Variants in NT5DC1 observed in about 807,000 individuals in gnomAD.
The protein encoded by NT5DC1 is 5'-nucleotidase domain-containing protein 1.
A neutral mutation model predicts 59.4 loss-of-function variants in NT5DC1; 42 were observed. The observed-to-expected ratio is 0.71, with a 90% CI of 0.55 to 0.92. NT5DC1 has a LOEUF of 0.92. Among genes scored for constraint, NT5DC1 ranks in the 40% least tolerant of loss-of-function variants. The pLI is 0.00. For missense variants in NT5DC1, 501 were observed against 537.1 expected, an observed-to-expected ratio of 0.93 and a Z score of 0.66; for synonymous variants, 172 against 188.1, an observed-to-expected ratio of 0.91 and a Z score of 0.70.
chr6:116,213,974 G>A (rs1781638349), intron 6 of NT5DC1, among the ~76,000 whole-genome samples: 1 of 151,980 alleles, frequency 6.6e-6, no homozygotes, highest in Non-Finnish European at 1.5e-5. Context: ...TGATCCTCCC[G>A]CCTCACCTTC....
chr6:116,167,743 A>G (rs7739896), intron 6 of NT5DC1, among the ~76,000 whole-genome samples: 92,597 of 152,008 alleles, frequency 0.61, 30,262 homozygotes, highest in African/African-American at 0.86. Context: ...AATGCCCATG[A>G]CCGTTGTTGG....
chr6:116,138,234 T>G (rs942462973), intron 6 of NT5DC1, among the ~76,000 whole-genome samples: 90 of 152,302 alleles, frequency 5.9e-4, no homozygotes, highest in African/African-American at 2.1e-3. Context: ...TCTTTAGAGA[T>G]AAAGAATTTG....
At chr6:116,191,112 T>C (rs1284675534) in intron 6 of NT5DC1, among the ~76,000 whole-genome samples, 1 of 151,968 alleles carries the variant, frequency 6.6e-6, no homozygotes, top group African/African-American at 2.4e-5. Flanking sequence ...CAAATATCTG[T>C]GGAAACCAAT....
chr6:116,209,777 G>C (rs1225553557), intron 6 of NT5DC1, among the ~76,000 whole-genome samples: 1 of 151,912 alleles, frequency 6.6e-6, no homozygotes, highest in Non-Finnish European at 1.5e-5. Flanking sequence ...AACTTCTGCA[G>C]AAATCCTGAG....
chr6:116,163,141 A>AAAATATATATATATATATATATAT (rs761718922), intron 6 of NT5DC1, among the ~76,000 whole-genome samples: 1 of 88,396 alleles, frequency 1.1e-5, no homozygotes, highest in African/African-American at 5.8e-5. Context: ...AAAAAAAAAA[A>AAAATATATATATATATATATATAT]ATATATATAT....
chr6:116,237,693 G>A, intron 9 of NT5DC1: 1 of 323,178 alleles, frequency 3.1e-6, no homozygotes, highest in South Asian at 2.6e-5. Context: ...ACTACCTAGG[G>A]AACTTTCCAG....
intron 9 of NT5DC1, 150 bp downstream of exon 9, chr6:116,237,234 A>C: frequency 3.1e-6 from 2 of 647,874 alleles, no homozygotes; most frequent in South Asian, 3.6e-5. Flanking sequence ...GAGAGGAGCA[A>C]GGATTCCAAG....
At chr6:116,164,946 A>G (rs955015837) in intron 6 of NT5DC1, among the ~76,000 whole-genome samples, 10 of 151,918 alleles carry the variant, frequency 6.6e-5, no homozygotes, top group African/African-American at 2.4e-4. Flanking sequence ...AAAATACAAA[A>G]AATTAGCGGA....
intron 6 of NT5DC1, among the ~76,000 whole-genome samples, chr6:116,162,678 G>GT (rs1780362944): frequency 6.6e-6 from 1 of 152,132 alleles, no homozygotes; most frequent in African/African-American, 2.4e-5. Flanking sequence ...CAGTTTGCTA[G>GT]TATTTTGTTG....
At chr6:116,111,410 T>C (rs1778872789) in intron 4 of NT5DC1, among the ~76,000 whole-genome samples, 1 of 152,262 alleles carries the variant, frequency 6.6e-6, no homozygotes, top group Admixed American at 6.5e-5. Flanking sequence ...TTCCAGATGA[T>C]TTTAACTATT....
At chr6:116,145,934 A>G (rs1165371713) in intron 6 of NT5DC1, among the ~76,000 whole-genome samples, 1 of 152,188 alleles carries the variant, frequency 6.6e-6, no homozygotes, top group Admixed American at 6.5e-5. Context: ...AACTCTTTCA[A>G]TTTGGTATGC....
At chr6:116,168,807 A>G (rs1380756102) in intron 6 of NT5DC1, among the ~76,000 whole-genome samples, 1 of 152,002 alleles carries the variant, frequency 6.6e-6, no homozygotes, top group African/African-American at 2.4e-5. Flanking sequence ...TACAGGGAGA[A>G]CTTATGTTTG....
chr6:116,193,161 G>A (rs1019977575), intron 6 of NT5DC1, among the ~76,000 whole-genome samples: 4 of 151,964 alleles, frequency 2.6e-5, no homozygotes, highest in Non-Finnish European at 4.4e-5. Flanking sequence ...GCAACTCTTT[G>A]TGTAATGGCC....
chr6:116,141,529 G>A (rs947030018), intron 6 of NT5DC1, among the ~76,000 whole-genome samples: 2 of 151,930 alleles, frequency 1.3e-5, no homozygotes, highest in Non-Finnish European at 2.9e-5. Context: ...AAGAAAAAAC[G>A]TGGCACCCTT....
chr6:116,141,678 GT>G (rs888957126), intron 6 of NT5DC1, among the ~76,000 whole-genome samples: 2 of 151,364 alleles, frequency 1.3e-5, no homozygotes, highest in African/African-American at 4.9e-5. Flanking sequence ...ATTAACAGAA[GT>G]TTATATTCAA....
Position 116,139,032 on chromosome 6 carries a change from A to G in NT5DC1, c.529+21087A>G, listed in dbSNP as rs554455531. On this transcript the variant is annotated intron_variant, in intron 6 of 11. Coordinates refer to ENST00000319550, the MANE Select transcript of NT5DC1 (RefSeq NM_152729.3). Reference sequence around the variant, plus strand: ...TTAGTAAATGATATTTTGATCATACATGATTTAGAAAATGACTGATAAAAT... The same window carrying G: ...TTAGTAAATGATATTTTGATCATACGTGATTTAGAAAATGACTGATAAAAT... Among the ~76,000 whole-genome samples the G allele has an allele frequency of 5.8e-4, 88 of 152,286 alleles. 3 individuals are homozygous for G. Among genetic ancestry groups the G allele is most frequent in the African/African-American group, 2.1e-3 (87 of 41,546 alleles).
intron 6 of NT5DC1, among the ~76,000 whole-genome samples, chr6:116,169,202 T>C (rs1336080407): frequency 6.6e-6 from 1 of 152,224 alleles, no homozygotes; most frequent in African/African-American, 2.4e-5. Context: ...CTTGACCTCT[T>C]AAATCTTCAT....
chr6:116,130,921 G>A (rs35181513), intron 6 of NT5DC1, among the ~76,000 whole-genome samples: 2,380 of 152,070 alleles, frequency 0.016, 33 homozygotes, highest in Non-Finnish European at 0.024. Flanking sequence ...AATTCTTTTG[G>A]TATTTTCACT....
intron 6 of NT5DC1, among the ~76,000 whole-genome samples, chr6:116,199,766 A>T (rs1293917313): frequency 1.3e-5 from 2 of 152,110 alleles, no homozygotes; most frequent in African/African-American, 2.4e-5. Flanking sequence ...AGAACAAAAT[A>T]AATAAAGTAG....
Sources: gnomAD v4.1 joint callset for allele counts (sites outside exome capture counted in the v4.1 genomes callset) on GRCh38, gnomAD v4.1.1 for gene constraint, MANE v1.5 for transcripts, NCBI Gene and HGNC (gene_info 2026-07-23, HGNC 2026-07-21) for gene names.